ARID2: variants seen among roughly 807,000 people sequenced by gnomAD.
The protein encoded by ARID2 is AT-rich interactive domain-containing protein 2.
Under a neutral mutation model 184.6 loss-of-function variants are expected in ARID2, and 32 were observed. The observed-to-expected ratio is 0.17, with a 90% CI of 0.13 to 0.23. The LOEUF (loss-of-function observed/expected upper bound fraction) is 0.23. Among genes scored for constraint, ARID2 ranks in the 10% least tolerant of loss-of-function variants. ARID2 has a pLI of 1.00. For synonymous variants in ARID2, 836 were observed against 772.6 expected (o/e 1.08, Z -1.36); for missense variants, 1,696 against 2,197.6 (o/e 0.77, Z 4.56).
At chr12:45,890,937 C>T (rs1412108738) in intron 16 of ARID2, among the ~76,000 whole-genome samples, 8 of 152,062 alleles carry the variant, frequency 5.3e-5, no homozygotes, top group East Asian at 3.9e-4. Context: ...GAGGCCAAGG[C>T]GGGCAGATCA....
chr12:45,794,065 C>T lies in ARID2; in HGVS notation c.285-17353C>T, dbSNP rs375512472. ...GTGTGTTTTTATGGAAGTCCCCCTT[C>T]GAGGGTATGTTCCAAGACCCCCAGT... On this transcript the variant is annotated intron_variant, in intron 3 of 20. Transcript: ENST00000334344. Among the ~76,000 whole-genome samples the T allele has an allele frequency of 1.4e-4, 21 of 152,212 alleles. No individual in the cohort carries two copies. The South Asian group carries it at 3.5e-3, about 26-fold the overall frequency.
chr12:45,757,304 T>G (rs1565584572), intron 3 of ARID2, among the ~76,000 whole-genome samples: 1 of 152,198 alleles, frequency 6.6e-6, no homozygotes, highest in Non-Finnish European at 1.5e-5. Context: ...CTAATATGCT[T>G]ATAATGTATC....
intron 6 of ARID2, among the ~76,000 whole-genome samples, chr12:45,835,849 G>A (rs969104379): frequency 5.3e-5 from 8 of 151,694 alleles, no homozygotes; most frequent in Non-Finnish European, 1.2e-4. Context: ...GCAGTGAGCC[G>A]AGATGGTGCC....
At chr12:45,773,742 A>AT (rs1249685633) in intron 3 of ARID2, among the ~76,000 whole-genome samples, 2 of 152,174 alleles carry the variant, frequency 1.3e-5, no homozygotes, top group Non-Finnish European at 2.9e-5. Context: ...GTTAATTATT[A>AT]TTTTTTTAAG....
At position 45,749,684 on chromosome 12, in the gene ARID2, C is replaced by T. The variant is rs148452817; in HGVS notation, c.284+18370C>T. Among the ~76,000 whole-genome samples the T allele has an allele frequency of 1.6e-3, 246 of 152,332 alleles. 1 individual carries two copies. Among genetic ancestry groups the T allele is most frequent in the South Asian group, 0.01 (50 of 4,830 alleles). On this transcript the variant is annotated intron_variant, in intron 3 of 20. Coordinates refer to ENST00000334344, the MANE Select transcript of ARID2 (RefSeq NM_152641.4). ...CTATCATTTACCTTAGCTAGATCTTCTGGATATCCTGCTGTAGATTCACTG... is the reference window on the plus strand; with the variant it reads ...CTATCATTTACCTTAGCTAGATCTTTTGGATATCCTGCTGTAGATTCACTG...
At chr12:45,795,355 A>G (rs1022835687) in intron 3 of ARID2, among the ~76,000 whole-genome samples, 1 of 152,056 alleles carries the variant, frequency 6.6e-6, no homozygotes, top group Non-Finnish European at 1.5e-5. Context: ...TGGATATTTT[A>G]TGATAACTCT....
chr12:45,885,700 A>G (rs1243452272), intron 16 of ARID2, among the ~76,000 whole-genome samples: 1 of 152,236 alleles, frequency 6.6e-6, no homozygotes, highest in African/African-American at 2.4e-5. Flanking sequence ...ACTTGCAATC[A>G]TGGCAGAAGG....
At chr12:45,747,737 T>C (rs1423972502) in intron 3 of ARID2, among the ~76,000 whole-genome samples, 3 of 152,236 alleles carry the variant, frequency 2.0e-5, no homozygotes. Flanking sequence ...GAGTCAGTTG[T>C]AGTTGTAGAA....
intron 16 of ARID2, among the ~76,000 whole-genome samples, chr12:45,868,544 T>C (rs894580532): frequency 1.3e-5 from 2 of 152,262 alleles, no homozygotes; most frequent in African/African-American, 4.8e-5. Context: ...TTAATGGTTT[T>C]CATGTCGTGC....
At chr12:45,843,184 C>T (rs947862805) in intron 11 of ARID2, among the ~76,000 whole-genome samples, 1 of 151,202 alleles carries the variant, frequency 6.6e-6, no homozygotes, top group African/African-American at 2.4e-5. Flanking sequence ...AAGATATTAA[C>T]AAGATATGAG....
chr12:45,842,557 G>A (rs1565618285), intron 11 of ARID2, among the ~76,000 whole-genome samples: 4 of 151,970 alleles, frequency 2.6e-5, no homozygotes, highest in Admixed American at 2.6e-4. Context: ...AAGAGATTGA[G>A]ACCATCCTGG....
chr12:45,839,062 C>T (rs1050566572), intron 10 of ARID2, among the ~76,000 whole-genome samples: 1 of 151,190 alleles, frequency 6.6e-6, no homozygotes, highest in African/African-American at 2.4e-5. Context: ...GATGGGGCTT[C>T]ACCATGTTAG....
intron 11 of ARID2, among the ~76,000 whole-genome samples, chr12:45,845,138 A>T (rs1373324801): frequency 6.6e-6 from 1 of 152,120 alleles, no homozygotes; most frequent in South Asian, 2.1e-4. Context: ...TACATTGTTT[A>T]TAAAGACTTC....
At chr12:45,883,912 G>A (rs1944143621) in intron 16 of ARID2, among the ~76,000 whole-genome samples, 1 of 152,126 alleles carries the variant, frequency 6.6e-6, no homozygotes, top group Non-Finnish European at 1.5e-5. Flanking sequence ...TTTGCGCTAT[G>A]TGCAGCTTTG....
chr12:45,807,996 A>T (rs1313349746), intron 3 of ARID2, among the ~76,000 whole-genome samples: 2 of 152,160 alleles, frequency 1.3e-5, no homozygotes, highest in East Asian at 3.8e-4. Context: ...ACAATATTTC[A>T]CTAGTTTTGA....
chr12:45,849,757 T>G lies in ARID2; in HGVS notation c.1893T>G (p.Ser631=). Reference sequence around the variant, plus strand: ...GTGTTGATTCTGTTCCTGATGTATCTCCTGCTCCTTCACCTGCAGGTGTTA... The same window carrying G: ...GTGTTGATTCTGTTCCTGATGTATCGCCTGCTCCTTCACCTGCAGGTGTTA... ...VVRVDSVPDV[S]PAPSPAGIPH... is the part of the protein sequence containing the mutation. The change falls in exon 14 of 21, where the codon TCT becomes TCG. Residue 631 remains serine, a synonymous_variant. Transcript: ENST00000334344. 1 of 1,612,062 alleles carries G rather than the reference T, an allele frequency of 6.2e-7. No homozygotes were observed. The highest frequency in any genetic ancestry group is 1.7e-4 in the Middle Eastern group (1 of 6,050).
intron 2 of ARID2, 113 bp downstream of exon 2, chr12:45,730,250 C>G: frequency 1.0e-6 from 1 of 959,514 alleles, no homozygotes; most frequent in East Asian, 3.1e-5. Flanking sequence ...GGGCAAAAGG[C>G]GTTCTTTTCG....
chr12:45,836,748 A>G lies in ARID2; in HGVS notation c.780A>G (p.Thr260=), dbSNP rs143391973. Residue 260 remains threonine, a synonymous_variant, in exon 8 of 21, where the codon ACA becomes ACG. Coordinates refer to ENST00000334344, the MANE Select transcript of ARID2 (RefSeq NM_152641.4). ...ATGTATTTTCTATTGTAGAAGGTAC[A>G]TCAGGAGAATGGATTTGGGAGTCTT... is the stretch of plus-strand genomic sequence containing the variant. The part of the protein sequence containing the change: ...ISDRNKSHEG[T]SGEWIWESLF... The G allele has an allele frequency of 3.4e-5, 55 of 1,612,824 alleles. No individual in the cohort carries two copies. The highest frequency in any genetic ancestry group is 4.2e-5 in the Non-Finnish European group (50 of 1,179,246).
intron 3 of ARID2, among the ~76,000 whole-genome samples, chr12:45,782,513 C>T (rs1245884635): frequency 6.6e-6 from 1 of 152,000 alleles, no homozygotes; most frequent in African/African-American, 2.4e-5. Context: ...ATGCCTGCAA[C>T]CCCAGCTACT....
Sources: allele counts gnomAD v4.1 joint callset (sites outside exome capture counted in the v4.1 genomes callset), GRCh38; gene constraint gnomAD v4.1.1; transcripts MANE v1.5; gene names NCBI Gene and HGNC (gene_info 2026-07-23, HGNC 2026-07-21).